The following MMEL1 variants were observed in gnomAD, a reference collection of about 807,000 sequenced individuals.
MMEL1 encodes membrane metallo-endopeptidase-like 1.
MMEL1 carries 98 observed loss-of-function variants against 117.1 expected under a neutral mutation model. The ratio of observed to expected loss-of-function variants is 0.84; its 90% CI spans 0.71 to 0.99. The LOEUF is 0.99. MMEL1 is among the 50% of genes least tolerant of loss of function. The probability of loss-of-function intolerance (pLI) is 0.00; values close to 1 mark genes in which losing one functional copy is unlikely to be tolerated. For synonymous variants in MMEL1, 390 were observed against 415.1 expected, an observed-to-expected ratio of 0.94 and a Z score of 0.74; for missense variants, 1,014 against 1,049.1, an observed-to-expected ratio of 0.97 and a Z score of 0.46.
At chr1:2,611,998 C>A in intron 3 of MMEL1, 129 bp downstream of exon 3, 1 of 806,356 alleles carries the variant, frequency 1.2e-6, no homozygotes, top group Admixed American at 2.2e-5. Context: ...CTGTCCTCTC[C>A]CCATGGCCCT....
chr1:2,632,800 G>A (rs376071658), intron 1 of MMEL1, 66 bp downstream of exon 1: 1 of 919,066 alleles, frequency 1.1e-6, no homozygotes, highest in Non-Finnish European at 1.3e-6. Flanking sequence ...AGGCCCAGGA[G>A]AGGGCCTGGA....
chr1:2,591,723 C>G, intron 22 of MMEL1, 90 bp from the exon 23 acceptor site: 1 of 1,198,114 alleles, frequency 8.3e-7, no homozygotes, highest in Non-Finnish European at 1.2e-6. Flanking sequence ...CAGGCTGCCC[C>G]TTCTAGGGTG....
chr1:2,602,799 C>T (rs1644954713), intron 11 of MMEL1, among the ~76,000 whole-genome samples: 1 of 152,188 alleles, frequency 6.6e-6, no homozygotes, highest in Admixed American at 6.5e-5. Flanking sequence ...GTGAGCCACA[C>T]TGGCCCCAGA....
intron 13 of MMEL1, 39 bp from the exon 14 acceptor site, chr1:2,596,728 C>G: frequency 5.0e-6 from 8 of 1,606,378 alleles, no homozygotes; most frequent in Non-Finnish European, 6.8e-6. Context: ...GCCCCCACGT[C>G]AGCCTTCCCA....
intron 11 of MMEL1, among the ~76,000 whole-genome samples, chr1:2,602,235 C>G (rs535306541): frequency 4.3e-3 from 275 of 64,030 alleles, no homozygotes; most frequent in African/African-American, 0.023. Flanking sequence ...TAGGCAGGGG[C>G]ATGTGGGGGC....
At chr1:2,626,014 C>T (rs1638255914) in intron 2 of MMEL1, among the ~76,000 whole-genome samples, 1 of 152,178 alleles carries the variant, frequency 6.6e-6, no homozygotes, top group Admixed American at 6.5e-5. Flanking sequence ...ACAGCTGCAG[C>T]ACTATAGCCC....
rs1351219645 is a variant in MMEL1, at chr1:2,595,069, C to T, written c.1585-176G>A. Among the ~76,000 whole-genome samples, 1 of 152,050 alleles carries T rather than the reference C, an allele frequency of 6.6e-6. No homozygotes were observed. Among genetic ancestry groups the T allele is most frequent in the East Asian group, 1.9e-4 (1 of 5,158 alleles). On this transcript the variant is annotated intron_variant, in intron 16 of 23. Transcript: ENST00000378412. The surrounding 1 kb of genome is among the most constrained non-coding windows in gnomAD (Gnocchi z 4.8). ...CCTGGCTGTGGGCATTTACATGACT[C>T]TGAGCAAGTCCCTCGTCCCTCCAGG...
chr1:2,614,746 C>T (rs1467984111), intron 2 of MMEL1, among the ~76,000 whole-genome samples: 2 of 151,908 alleles, frequency 1.3e-5, no homozygotes, highest in African/African-American at 4.8e-5. Context: ...GTTTTTCAGA[C>T]ACCACATTAT....
At chr1:2,605,430 T>C (rs1645006512) in intron 9 of MMEL1, 128 bp downstream of exon 9, 2 of 801,010 alleles carry the variant, frequency 2.5e-6, no homozygotes, top group Non-Finnish European at 4.2e-6. Context: ...AGTGCCGGGC[T>C]CAACCTCCAC....
At chr1:2,609,308 C>T (rs1207110871) in intron 6 of MMEL1, 31 bp downstream of exon 6, 2 of 1,595,522 alleles carry the variant, frequency 1.3e-6, no homozygotes, top group African/African-American at 1.3e-5. Context: ...CCGTCCCCTG[C>T]CTCGGCCCCT....
chr1:2,623,378 T>G (rs1377057413), intron 2 of MMEL1, among the ~76,000 whole-genome samples: 1 of 152,214 alleles, frequency 6.6e-6, no homozygotes, highest in East Asian at 1.9e-4. Flanking sequence ...TTGAATATCA[T>G]TTCCTTCCGT....
At chr1:2,605,491 G>A (rs1645007733) in intron 9 of MMEL1, 67 bp downstream of exon 9, 2 of 1,417,330 alleles carry the variant, frequency 1.4e-6, no homozygotes, top group South Asian at 2.4e-5. Flanking sequence ...TGGGCAACGG[G>A]AAGGCCAGAC....
At chr1:2,621,426 T>C (rs1164462575) in intron 2 of MMEL1, among the ~76,000 whole-genome samples, 1 of 152,234 alleles carries the variant, frequency 6.6e-6, no homozygotes, top group Non-Finnish European at 1.5e-5. Context: ...CAACCCCTTA[T>C]TTTAACCCAG....
At position 2,618,163 on chromosome 1, in the gene MMEL1, G is replaced by A. The variant is rs12092504; in HGVS notation, c.155-5959C>T. 2.2e-3 allele frequency among the ~76,000 whole-genome samples: 338 copies of A among 152,290 alleles called. 2 individuals are homozygous for A. The highest frequency in any genetic ancestry group is 7.7e-3 in the African/African-American group (322 of 41,552). On this transcript the variant is annotated intron_variant, in intron 2 of 23. Coordinates refer to ENST00000378412, the MANE Select transcript of MMEL1 (RefSeq NM_033467.4). ...AATGTGATACCCAATGTTGGGGGTG[G>A]GGCCTGGTGGGAGGTGTTTGGATTG... is the stretch of plus-strand genomic sequence containing the variant.
At position 2,596,431 on chromosome 1, in the gene MMEL1, A is replaced by G. The variant is rs1303016313; in HGVS notation, c.1401+130T>C. The stretch of plus-strand genomic sequence containing the variant: ...GCATGGGGTGGGCACGGCTTCCCTT[A>G]GCCTCCCTCTGTCTGGTGAGCTGGG... On this transcript the variant is annotated intron_variant, in intron 14 of 23. Coordinates refer to ENST00000378412, the MANE Select transcript of MMEL1 (RefSeq NM_033467.4). The G allele has an allele frequency of 9.0e-6, 12 of 1,333,460 alleles. No individual in the cohort carries two copies. In the East Asian group the frequency reaches 2.7e-4, roughly 30 times the overall value. 82.6% of individuals were successfully genotyped at this position (1,333,460 alleles called of 1,614,324 possible). A position where few individuals can be genotyped will look rare whatever the true frequency, so the allele number is the denominator to read the frequency against.
Position 2,598,657 on chromosome 1 carries a change from G to T in MMEL1, c.1175C>A (p.Ala392Asp). ...NLENIIDTYS[A>D]RTIQNYLVWR... The stretch of plus-strand genomic sequence containing the variant: ...GGAGACCCTCCCTGGGCCTCACCTG[G>T]CTGAGTAGGTGTCGATGATGTTTTC... The change falls in exon 12 of 24, where the codon GCC (alanine) becomes GAC (aspartate). Residue 392 changes from alanine to aspartate, a missense_variant. Ala to Asp is a moderately radical substitution (Grantham distance 126). Transcript: ENST00000378412. The T allele has an allele frequency of 6.2e-7, 1 of 1,614,070 alleles. No homozygotes were observed. Among genetic ancestry groups the T allele is most frequent in the Non-Finnish European group, 8.5e-7 (1 of 1,179,974 alleles).
chr1:2,615,424 C>T (rs2100954430), intron 2 of MMEL1, among the ~76,000 whole-genome samples: 1 of 152,238 alleles, frequency 6.6e-6, no homozygotes, highest in South Asian at 2.1e-4. Flanking sequence ...TCCACCTGAT[C>T]AGTAATCCTC....
At chr1:2,596,498 A>G in intron 14 of MMEL1, 63 bp downstream of exon 14, 1 of 1,579,894 alleles carries the variant, frequency 6.3e-7, no homozygotes, top group Non-Finnish European at 8.6e-7. Context: ...GTCTCAGGGC[A>G]GGGAGGCTCG....
rs754100914 is a variant in MMEL1, at chr1:2,591,593, GA to G, written c.2203del (p.Ser735ProfsTer10). 6.2e-7 allele frequency: 1 copy of G among 1,605,490 alleles called. No individual in the cohort carries two copies. The highest frequency in any genetic ancestry group is 1.7e-5 in the Admixed American group (1 of 59,624). Reference protein sequence around the residue: ...GSYRPEFAIQSIKTDVHSPLK... With the variant: ...GSYRPEFAIQXIKTDVHSPLK... ...GGGACTGTGGACGTCTGTCTTGATG[GA>G]TTGGATGGCGAACTCGGGCCGGTAG... is the stretch of plus-strand genomic sequence containing the variant. On this transcript the variant is annotated frameshift_variant, in exon 23 of 24. Transcript: ENST00000378412. LOFTEE classifies it high-confidence loss of function.
Sources: allele counts gnomAD v4.1 joint callset (sites outside exome capture counted in the v4.1 genomes callset), GRCh38; gene constraint gnomAD v4.1.1; non-coding constraint Gnocchi (gnomAD v3.1); transcripts MANE v1.5; gene names NCBI Gene and HGNC (gene_info 2026-07-23, HGNC 2026-07-21).